SCP2: variants seen among roughly 807,000 people sequenced by gnomAD.
The protein encoded by SCP2 is sterol carrier protein 2, also known as SCP-2/3-oxoacyl-CoA thiolase.
In SCP2, 48 loss-of-function variants were observed where a neutral mutation model predicts 71.4. The observed-to-expected ratio is 0.67, with a 90% CI of 0.53 to 0.86. SCP2 has a LOEUF of 0.86. Among genes scored for constraint, SCP2 ranks in the 40% least tolerant of loss-of-function variants. The pLI, the probability that SCP2 is intolerant of heterozygous loss-of-function variation, is 0.00. For synonymous variants in SCP2, 220 were observed against 218.1 expected (o/e 1.01, Z -0.08); for missense variants, 560 against 655.6 (o/e 0.85, Z 1.59).
chr1:53,005,692 A>C (rs1660589536), intron 11 of SCP2, among the ~76,000 whole-genome samples: 1 of 152,208 alleles, frequency 6.6e-6, no homozygotes, highest in South Asian at 2.1e-4. Context: ...GAAAAGCTGA[A>C]AATTCTAAAA....
intron 10 of SCP2, among the ~76,000 whole-genome samples, chr1:52,982,210 AC>A (rs1658566645): frequency 6.6e-6 from 1 of 151,436 alleles, no homozygotes; most frequent in South Asian, 2.1e-4. Flanking sequence ...CAGTAGCACC[AC>A]CCCCCACAGT....
At chr1:53,031,041 T>C (rs1288609746) in intron 13 of SCP2, among the ~76,000 whole-genome samples, 2 of 152,178 alleles carry the variant, frequency 1.3e-5, no homozygotes, top group African/African-American at 4.8e-5. Context: ...TTAAAAGTTT[T>C]GGTTTTTAAA....
chr1:52,951,250 C>T (rs1363519519), intron 4 of SCP2, among the ~76,000 whole-genome samples: 1 of 151,836 alleles, frequency 6.6e-6, no homozygotes, highest in African/African-American at 2.4e-5. Context: ...CCACTGCACT[C>T]CAGCTTGGGT....
intron 6 of SCP2, among the ~76,000 whole-genome samples, chr1:52,967,105 G>T (rs556359568): frequency 1.1e-4 from 16 of 147,880 alleles, no homozygotes; most frequent in Admixed American, 7.4e-4. Context: ...CAGGAAAATC[G>T]GTTGAACCTG....
chr1:53,023,764 C>G (rs370860845), intron 12 of SCP2, among the ~76,000 whole-genome samples: 1 of 152,124 alleles, frequency 6.6e-6, no homozygotes, highest in African/African-American at 2.4e-5. Context: ...ACAGAGTCTG[C>G]TTGCTGGAGA....
intron 11 of SCP2, among the ~76,000 whole-genome samples, chr1:53,000,478 T>C (rs951407207): frequency 6.6e-6 from 1 of 152,184 alleles, no homozygotes; most frequent in African/African-American, 2.4e-5. Context: ...TTTTAGGCCT[T>C]TTAGAAAGGC....
intron 14 of SCP2, among the ~76,000 whole-genome samples, chr1:53,039,382 C>T (rs1305561282): frequency 6.6e-6 from 1 of 152,212 alleles, no homozygotes; most frequent in South Asian, 2.1e-4. Context: ...GGCCCCTTTT[C>T]ATAAGGTTGG....
At position 53,047,900 on chromosome 1, in the gene SCP2, TC is replaced by T; in HGVS notation, c.1513del (p.Leu505TrpfsTer3). On this transcript the variant is annotated frameshift_variant, in exon 15 of 16. Coordinates refer to ENST00000371514, the MANE Select transcript of SCP2 (RefSeq NM_002979.5). LOFTEE classifies it high-confidence loss of function. ...DCTITMADSD[F>X]LALMTGKMNP... ...ACAATCACAATGGCTGACTCAGACTTCCTGGCTTTAATGACTGGTAAAATGA... is the reference window on the plus strand; with the variant it reads ...ACAATCACAATGGCTGACTCAGACTTCTGGCTTTAATGACTGGTAAAATGA... 1 of 1,613,694 alleles carries T rather than the reference TC, an allele frequency of 6.2e-7. No homozygotes were observed.
chr1:52,994,855 C>T (rs1659809952), intron 11 of SCP2: 1 of 509,018 alleles, frequency 2.0e-6, no homozygotes, highest in African/African-American at 2.0e-5. Context: ...CGACCTGCAG[C>T]TGGACTGTGT....
At chr1:52,988,264 T>C in intron 11 of SCP2, 128 bp downstream of exon 11, 1 of 659,770 alleles carries the variant, frequency 1.5e-6, no homozygotes, top group South Asian at 1.8e-5. Flanking sequence ...AATGATTGTT[T>C]AGCTTCAATA....
rs114717327 is a variant in SCP2 at position 52,967,181 on chromosome 1, C to T, written c.523+5552C>T. Among the ~76,000 whole-genome samples the T allele has an allele frequency of 5.7e-3, 873 of 152,120 alleles. 4 individuals are homozygous for T. The highest frequency in any genetic ancestry group is 0.019 in the African/African-American group (809 of 41,496). ...CTCCACCCTGGGCAACAGACTGGGA[C>T]TCCTCAATTAAAAAAAAAGAAATAG... On this transcript the variant is annotated intron_variant, in intron 6 of 15. Transcript: ENST00000371514.
At chr1:52,960,524 GTGTGTA>G (rs1656268492) in intron 5 of SCP2, among the ~76,000 whole-genome samples, 1 of 139,352 alleles carries the variant, frequency 7.2e-6, no homozygotes, top group Non-Finnish European at 1.5e-5. Context: ...GTGTGTATAT[GTGTGTA>G]TATATATGTA....
chr1:52,956,195 T>G (rs1655779060), intron 5 of SCP2, among the ~76,000 whole-genome samples: 1 of 152,008 alleles, frequency 6.6e-6, no homozygotes. Flanking sequence ...TCCCAGCTAC[T>G]CGGGAGGCTG....
intron 2 of SCP2, among the ~76,000 whole-genome samples, chr1:52,945,696 G>A (rs1453283610): frequency 1.3e-5 from 2 of 150,680 alleles, no homozygotes; most frequent in Non-Finnish European, 2.9e-5. Context: ...GAGTGAGGCT[G>A]TGTCTCAAAA....
At chr1:52,969,506 TTTTGTTTG>T (rs949070242) in intron 6 of SCP2, among the ~76,000 whole-genome samples, 1 of 150,468 alleles carries the variant, frequency 6.6e-6, no homozygotes, top group African/African-American at 2.5e-5. Flanking sequence ...GTGACCCTGT[TTTTGTTTG>T]TTTGTTTGTT....
intron 6 of SCP2, among the ~76,000 whole-genome samples, chr1:52,962,151 C>T (rs1656524062): frequency 6.6e-6 from 1 of 152,180 alleles, no homozygotes; most frequent in Non-Finnish European, 1.5e-5. Flanking sequence ...ATCCACCTGT[C>T]TCAGCCTCCC....
At chr1:52,972,450 G>A (rs1437639832) in intron 6 of SCP2, among the ~76,000 whole-genome samples, 1 of 152,096 alleles carries the variant, frequency 6.6e-6, no homozygotes, top group Non-Finnish European at 1.5e-5. Context: ...GAAAAGATAC[G>A]AACATTATTG....
chr1:53,028,654 TC>T (rs768082683), intron 13 of SCP2, among the ~76,000 whole-genome samples: 6 of 152,144 alleles, frequency 3.9e-5, no homozygotes, highest in Admixed American at 2.0e-4. Flanking sequence ...GTTTAAAATC[TC>T]CCCAAATTCT....
chr1:52,951,577 AAATT>A (rs1557553966), intron 4 of SCP2, among the ~76,000 whole-genome samples: 2 of 151,188 alleles, frequency 1.3e-5, no homozygotes, highest in African/African-American at 2.4e-5. Context: ...AAAAAAAAAA[AAATT>A]AATTAAGGTA....
Sources: gnomAD v4.1 joint callset for allele counts (sites outside exome capture counted in the v4.1 genomes callset) on GRCh38, gnomAD v4.1.1 for gene constraint, MANE v1.5 for transcripts, NCBI Gene and HGNC (gene_info 2026-07-23, HGNC 2026-07-21) for gene names.